Variants in FRMD4B observed in about 807,000 individuals in gnomAD.
FRMD4B encodes FERM domain containing 4B.
In FRMD4B, 74 loss-of-function variants were observed where a neutral mutation model predicts 141.5. The observed-to-expected ratio is 0.52, with a 90% CI of 0.43 to 0.63. The LOEUF is 0.63. Ranked by LOEUF, FRMD4B falls within the 30% of genes least tolerant of loss-of-function variation. The pLI is 0.00. For missense variants in FRMD4B, 1,366 were observed against 1,253.4 expected (o/e 1.09, Z -1.36); for synonymous variants, 506 against 467.9 (o/e 1.08, Z -1.05).
intron 1 of FRMD4B, among the ~76,000 whole-genome samples, chr3:69,345,548 C>A (rs1702907612): frequency 6.6e-6 from 1 of 152,328 alleles, no homozygotes; most frequent in African/African-American, 2.4e-5. Context: ...TCAAGTGGGT[C>A]CCTGACCCCC....
chr3:69,375,890 T>A (rs1464962079), intron 1 of FRMD4B, among the ~76,000 whole-genome samples: 2 of 152,204 alleles, frequency 1.3e-5, no homozygotes, highest in African/African-American at 4.8e-5. Context: ...AAAGTCTTGC[T>A]CATATGCACA....
intron 1 of FRMD4B, among the ~76,000 whole-genome samples, chr3:69,510,551 T>C (rs1706671758): frequency 6.6e-6 from 1 of 152,154 alleles, no homozygotes; most frequent in African/African-American, 2.4e-5. Flanking sequence ...AATTCTCAGT[T>C]TTCATGCACT....
chr3:69,346,721 C>T (rs1057411328), intron 1 of FRMD4B, among the ~76,000 whole-genome samples: 5 of 152,112 alleles, frequency 3.3e-5, no homozygotes, highest in African/African-American at 4.8e-5. Context: ...ATTTCATATC[C>T]AGCCAAACTA....
upstream of FRMD4B, among the ~76,000 whole-genome samples, chr3:69,389,478 G>C (rs1396152116): frequency 6.6e-6 from 1 of 152,174 alleles, no homozygotes; most frequent in African/African-American, 2.4e-5. Context: ...CAGTTCTGTT[G>C]CTCTTTCAAG....
chr3:69,182,569 C>T (rs754107427), intron 20 of FRMD4B, 29 bp downstream of exon 20: 2 of 1,582,436 alleles, frequency 1.3e-6, no homozygotes, highest in Non-Finnish European at 1.7e-6. Flanking sequence ...ATCAAGACAG[C>T]TAAAGCAATG....
chr3:69,323,625 T>G (rs1702088965), intron 1 of FRMD4B, among the ~76,000 whole-genome samples: 1 of 50,400 alleles, frequency 2.0e-5, no homozygotes, highest in Admixed American at 2.2e-4. Flanking sequence ...TATATATATA[T>G]ATATATATAT....
intron 1 of FRMD4B, among the ~76,000 whole-genome samples, chr3:69,316,627 A>G (rs902049234): frequency 2.6e-5 from 4 of 152,152 alleles, no homozygotes; most frequent in African/African-American, 7.2e-5. Context: ...GAAATAAATA[A>G]ATGTGTCAGT....
At chr3:69,259,373 G>A (rs919948608) in intron 5 of FRMD4B, among the ~76,000 whole-genome samples, 5 of 152,216 alleles carry the variant, frequency 3.3e-5, no homozygotes, top group African/African-American at 1.2e-4. Flanking sequence ...CCTGCTGTGT[G>A]GCCCGGTTCC....
At chr3:69,282,882 C>A (rs1281816283) in intron 5 of FRMD4B, among the ~76,000 whole-genome samples, 2 of 152,064 alleles carry the variant, frequency 1.3e-5, no homozygotes, top group African/African-American at 4.8e-5. Flanking sequence ...AGTGATCCAC[C>A]CGCCTTGGCT....
At chr3:69,235,323 C>T (rs2093338645) in intron 7 of FRMD4B, among the ~76,000 whole-genome samples, 1 of 151,832 alleles carries the variant, frequency 6.6e-6, no homozygotes, top group Admixed American at 6.6e-5. Flanking sequence ...CCTGACCTAG[C>T]AGTGACAAAA....
At chr3:69,203,444 T>C (rs1373462293) in intron 11 of FRMD4B, among the ~76,000 whole-genome samples, 1 of 152,160 alleles carries the variant, frequency 6.6e-6, no homozygotes, top group Non-Finnish European at 1.5e-5. Flanking sequence ...TTGAGAGTCA[T>C]TTATCCATTT....
At chr3:69,223,749 G>C (rs545094545) in intron 8 of FRMD4B, among the ~76,000 whole-genome samples, 1 of 152,042 alleles carries the variant, frequency 6.6e-6, no homozygotes, top group Non-Finnish European at 1.5e-5. Context: ...TGAGGCACAA[G>C]AATCACTTGA....
At chr3:69,173,846 C>T (rs1435382574) in intron 22 of FRMD4B, among the ~76,000 whole-genome samples, 7 of 152,120 alleles carry the variant, frequency 4.6e-5, no homozygotes, top group Non-Finnish European at 8.8e-5. Flanking sequence ...ATGTTAACAG[C>T]TGCAATACTG....
Position 69,193,813 on chromosome 3 carries a change from C to T in FRMD4B, c.1549G>A (p.Ala517Thr). ...TCTGGCTCATTGGCAAGTTTCTTTG[C>T]AGCTTCCACCAGCTTTTGTTGTATT... ...FLIQQKLVEAAKKLANEPDLC... is the reference protein window; with the variant it reads ...FLIQQKLVEATKKLANEPDLC... Residue 517 changes from alanine (A) to threonine (T), a missense_variant, in exon 17 of 23, where the codon GCA (alanine) becomes ACA (threonine). Transcript: ENST00000398540. The T allele has an allele frequency of 6.2e-7, 1 of 1,613,718 alleles. No homozygotes were observed. Among genetic ancestry groups the T allele is most frequent in the South Asian group, 1.1e-5 (1 of 91,054 alleles).
In FRMD4B at chr3:69,291,910, CTTTTTT is replaced by C. The variant is rs35703345; in HGVS notation, c.417-4080_417-4075del. On this transcript the variant is annotated intron_variant, in intron 4 of 22. Transcript: ENST00000398540. ...AATACAAAGTGCTCTACAGGAATCT[CTTTTTT>C]TTTTTTTTTTTTTTTTTCCATCTTT... Among the ~76,000 whole-genome samples, 696 of 105,508 alleles carry C rather than the reference CTTTTTT, an allele frequency of 6.6e-3. 6 individuals are homozygous for C. The highest frequency in any genetic ancestry group is 0.024 in the African/African-American group (671 of 28,182). 69.2% of individuals were successfully genotyped at this position (105,508 alleles called of 152,430 possible). A position where few individuals can be genotyped will look rare whatever the true frequency, so the allele number is the denominator to read the frequency against.
At chr3:69,409,388 G>T (rs1704715155) in intron 2 of FRMD4B, among the ~76,000 whole-genome samples, 1 of 152,168 alleles carries the variant, frequency 6.6e-6, no homozygotes, top group South Asian at 2.1e-4. Flanking sequence ...TTCTCTGTGT[G>T]CACCACAGAA....
intron 1 of FRMD4B, among the ~76,000 whole-genome samples, chr3:69,531,598 C>A (rs1416130029): frequency 6.6e-6 from 1 of 152,156 alleles, no homozygotes; most frequent in Non-Finnish European, 1.5e-5. Flanking sequence ...TGCAAGATGA[C>A]AAAGTTACAT....
chr3:69,270,234 T>C (rs2093587942), intron 5 of FRMD4B, among the ~76,000 whole-genome samples: 1 of 152,248 alleles, frequency 6.6e-6, no homozygotes, highest in Non-Finnish European at 1.5e-5. Flanking sequence ...CAAAATAGCA[T>C]TCATCTTAGG....
At chr3:69,447,431 C>CT (rs1705425907) in intron 1 of FRMD4B, among the ~76,000 whole-genome samples, 1 of 152,226 alleles carries the variant, frequency 6.6e-6, no homozygotes, top group African/African-American at 2.4e-5. Flanking sequence ...AAAAAATCAA[C>CT]TTTTTTGAGG....
Sources: allele counts gnomAD v4.1 joint callset (sites outside exome capture counted in the v4.1 genomes callset), GRCh38; gene constraint gnomAD v4.1.1; transcripts MANE v1.5; gene names NCBI Gene and HGNC (gene_info 2026-07-23, HGNC 2026-07-21).